The following C12orf42 variants were observed in gnomAD, a reference collection of about 807,000 sequenced individuals.
C12orf42 encodes chromosome 12 open reading frame 42.
C12orf42 carries 25 observed loss-of-function variants against 21.6 expected under a neutral mutation model. The observed-to-expected ratio is 1.16, with a 90% CI of 0.84 to 1.62. The LOEUF (loss-of-function observed/expected upper bound fraction) is 1.62. C12orf42 is among the 40% of genes most tolerant of loss of function. The probability of loss-of-function intolerance (pLI) is 0.00; values close to 1 mark genes in which losing one functional copy is unlikely to be tolerated. For synonymous variants in C12orf42, 174 were observed against 175.0 expected, an observed-to-expected ratio of 0.99 and a Z score of 0.05; for missense variants, 483 against 459.3, an observed-to-expected ratio of 1.05 and a Z score of -0.47.
the C12orf42 span, among the ~76,000 whole-genome samples, chr12:103,145,477 C>T: frequency 6.6e-6 from 1 of 152,080 alleles, no homozygotes. Context: ...AGAATGATAA[C>T]AAGTGGTGGT....
the C12orf42 span, among the ~76,000 whole-genome samples, chr12:103,108,454 G>A: frequency 2.6e-5 from 4 of 152,020 alleles, no homozygotes; most frequent in Non-Finnish European, 4.4e-5. Context: ...ATGTGTGTAT[G>A]TGTGTGTTTA....
rs187974203 is a variant in C12orf42, at chr12:103,480,867, T to C, written c.-21-2420A>G. Among the ~76,000 whole-genome samples, 537 of 151,712 alleles carry C rather than the reference T, an allele frequency of 3.5e-3. 5 individuals carry two copies. Among genetic ancestry groups the C allele is most frequent in the African/African-American group, 0.012 (503 of 41,444 alleles). On this transcript the variant is annotated intron_variant, in intron 1 of 5. Coordinates refer to ENST00000548883, the MANE Select transcript of C12orf42 (RefSeq NM_198521.5). ...GCTTAGATTCAATATTTTTGAATTA[T>C]TGGATGTAATCTATAACTGTTCATT...
intron 2 of C12orf42, among the ~76,000 whole-genome samples, chr12:103,463,624 T>C (rs1952891297): frequency 6.6e-6 from 1 of 152,166 alleles, no homozygotes. Flanking sequence ...AGGATACATG[T>C]GCAGGACATG....
At chr12:103,213,898 T>C in the C12orf42 span, among the ~76,000 whole-genome samples, 14 of 152,194 alleles carry the variant, frequency 9.2e-5, no homozygotes, top group African/African-American at 3.1e-4. Context: ...ATTTCATGAA[T>C]CTCATTTTCC....
At chr12:103,223,222 C>T in the C12orf42 span, among the ~76,000 whole-genome samples, 34 of 151,914 alleles carry the variant, frequency 2.2e-4, no homozygotes, top group African/African-American at 5.8e-4. Flanking sequence ...AGAGAATGGG[C>T]GATGTTTCTC....
the C12orf42 span, among the ~76,000 whole-genome samples, chr12:103,071,946 T>G: frequency 6.6e-6 from 1 of 152,172 alleles, no homozygotes; most frequent in African/African-American, 2.4e-5. Context: ...CCCAGCTACG[T>G]ATCTCCCTTG....
intron 10 of C12orf42, chr12:103,237,940 G>A (rs988195549): frequency 6.6e-6 from 1 of 152,204 alleles, no homozygotes; most frequent in Non-Finnish European, 1.5e-5. Context: ...TCTACCTCTT[G>A]AAGAAGAAAT....
the C12orf42 span, among the ~76,000 whole-genome samples, chr12:103,105,162 A>G: frequency 2.6e-5 from 4 of 152,190 alleles, no homozygotes; most frequent in East Asian, 5.8e-4. Flanking sequence ...TAGAACCCCA[A>G]AAGAAGAAAA....
downstream of C12orf42, among the ~76,000 whole-genome samples, chr12:103,264,153 T>C (rs1435903888): frequency 6.6e-6 from 1 of 152,122 alleles, no homozygotes; most frequent in East Asian, 1.9e-4. Flanking sequence ...CCTGAGAAAG[T>C]AACAATGCTT....
intron 2 of C12orf42, among the ~76,000 whole-genome samples, chr12:103,435,868 A>G (rs934865569): frequency 6.6e-6 from 1 of 151,900 alleles, no homozygotes; most frequent in Non-Finnish European, 1.5e-5. Context: ...CTAGCAAGGC[A>G]GGCCAACGTT....
chr12:103,436,304 A>C (rs1565823956), intron 2 of C12orf42, among the ~76,000 whole-genome samples: 1 of 152,084 alleles, frequency 6.6e-6, no homozygotes, highest in African/African-American at 2.4e-5. Context: ...ATCATGCCAA[A>C]ATGTAAAGAC....
At chr12:103,329,916 AT>A (rs2041081453) in intron 4 of C12orf42, among the ~76,000 whole-genome samples, 1 of 151,944 alleles carries the variant, frequency 6.6e-6, no homozygotes, top group Admixed American at 6.5e-5. Context: ...ATCCACTGAC[AT>A]ATCTGTATTA....
chr12:103,368,419 C>T (rs2044836903), intron 4 of C12orf42, among the ~76,000 whole-genome samples: 1 of 151,902 alleles, frequency 6.6e-6, no homozygotes, highest in African/African-American at 2.4e-5. Flanking sequence ...CAAATGTTGA[C>T]TGGTGTATTC....
the C12orf42 span, among the ~76,000 whole-genome samples, chr12:103,525,366 A>G: frequency 7.0e-6 from 1 of 143,536 alleles, no homozygotes; most frequent in Non-Finnish European, 1.6e-5. Flanking sequence ...TGAGTGACAA[A>G]TGCATTGTGA....
At chr12:103,342,325 T>C (rs1027359262) in intron 4 of C12orf42, among the ~76,000 whole-genome samples, 7 of 152,302 alleles carry the variant, frequency 4.6e-5, no homozygotes, top group Middle Eastern at 3.4e-3. Flanking sequence ...GTCTGGGATA[T>C]GTTATTTTAC....
chr12:103,199,288 A>C, the C12orf42 span, among the ~76,000 whole-genome samples: 1 of 152,170 alleles, frequency 6.6e-6, no homozygotes, highest in East Asian at 1.9e-4. Flanking sequence ...CCCTCAACTC[A>C]CACCAGACCT....
chr12:103,088,614 GGA>G, the C12orf42 span, among the ~76,000 whole-genome samples: 1 of 152,164 alleles, frequency 6.6e-6, no homozygotes, highest in Non-Finnish European at 1.5e-5. Flanking sequence ...ATGTCCCTGC[GGA>G]GTCTCCTCCT....
the C12orf42 span, among the ~76,000 whole-genome samples, chr12:103,173,956 A>G: frequency 6.6e-6 from 1 of 152,168 alleles, no homozygotes; most frequent in African/African-American, 2.4e-5. Flanking sequence ...ATAGAAGACA[A>G]GGTGTTGGAT....
the C12orf42 span, among the ~76,000 whole-genome samples, chr12:103,537,839 T>C: frequency 5.6e-4 from 86 of 152,296 alleles, no homozygotes; most frequent in Admixed American, 1.3e-3. Flanking sequence ...TTGGATAATA[T>C]AAAGTTAGCA....
Sources: gnomAD v4.1 joint callset for allele counts (sites outside exome capture counted in the v4.1 genomes callset) on GRCh38, gnomAD v4.1.1 for gene constraint, MANE v1.5 for transcripts, NCBI Gene and HGNC (gene_info 2026-07-23, HGNC 2026-07-21) for gene names.